PHF2: variants seen among roughly 807,000 people sequenced by gnomAD.
PHF2 encodes the protein lysine-specific demethylase PHF2.
PHF2 carries 27 observed loss-of-function variants against 120.5 expected under a neutral mutation model. That is an observed-to-expected ratio of 0.22 (90% confidence interval 0.17 to 0.31). PHF2 has a LOEUF of 0.31. Among genes scored for constraint, PHF2 ranks in the 10% least tolerant of loss-of-function variants. The probability of loss-of-function intolerance (pLI) is 1.00; values close to 1 mark genes in which losing one functional copy is unlikely to be tolerated. For missense variants in PHF2, 1,024 were observed against 1,434.8 expected, an observed-to-expected ratio of 0.71 and a Z score of 4.63; for synonymous variants, 568 against 592.5, an observed-to-expected ratio of 0.96 and a Z score of 0.60.
intron 1 of PHF2, among the ~76,000 whole-genome samples, chr9:93,601,220 G>A (rs573218090): frequency 2.6e-4 from 39 of 152,306 alleles, no homozygotes; most frequent in East Asian, 1.7e-3. Flanking sequence ...CAGATTGGCC[G>A]GGGCCCACCC....
intron 5 of PHF2, among the ~76,000 whole-genome samples, chr9:93,652,835 G>A (rs1826391653): frequency 6.6e-6 from 1 of 152,204 alleles, no homozygotes; most frequent in Non-Finnish European, 1.5e-5. Context: ...CTTCAGCCCA[G>A]TGTGCCACAG....
chr9:93,594,635 G>A (rs1825297291), intron 1 of PHF2, among the ~76,000 whole-genome samples: 1 of 152,198 alleles, frequency 6.6e-6, no homozygotes, highest in South Asian at 2.1e-4. Context: ...TGGCAGCTAA[G>A]CTCCCAGTCA....
At chr9:93,577,925 C>T (rs2131592076) in intron 1 of PHF2, among the ~76,000 whole-genome samples, 1 of 152,298 alleles carries the variant, frequency 6.6e-6, no homozygotes, top group South Asian at 2.1e-4. Context: ...CGGGGCTGGC[C>T]AGGGCTGTAT....
At chr9:93,591,894 C>G (rs1433735245) in intron 1 of PHF2, among the ~76,000 whole-genome samples, 1 of 152,240 alleles carries the variant, frequency 6.6e-6, no homozygotes, top group Non-Finnish European at 1.5e-5. Context: ...TGCTCCTAGT[C>G]TGGCTGCTCA....
At chr9:93,650,372 A>G (rs1826347569) in intron 5 of PHF2, among the ~76,000 whole-genome samples, 1 of 152,072 alleles carries the variant, frequency 6.6e-6, no homozygotes, top group East Asian at 1.9e-4. Context: ...TGGCACACTC[A>G]TACTCCTAAC....
At chr9:93,671,593 A>T (rs1452572110) in intron 17 of PHF2, among the ~76,000 whole-genome samples, 8 of 99,982 alleles carry the variant, frequency 8.0e-5, no homozygotes, top group East Asian at 3.2e-4. Context: ...TGGGTGTGGG[A>T]GTAGGGTCAG....
chr9:93,627,740 G>A (rs897302933), intron 1 of PHF2, among the ~76,000 whole-genome samples: 3 of 152,040 alleles, frequency 2.0e-5, no homozygotes, highest in African/African-American at 7.2e-5. Context: ...TGCTTTTTCT[G>A]TATCAATTGA....
Position 93,576,847 on chromosome 9 carries a change from C to A in PHF2, c.74C>A (p.Ala25Asp). The change falls in exon 1 of 22, where the codon GCC becomes GAC. Residue 25 changes from alanine to aspartate, a missense_variant. Coordinates refer to ENST00000359246, the MANE Select transcript of PHF2 (RefSeq NM_005392.4). ...ACCCGCTTCATGATCGAGTGCGACGCCTGCAAGGACTGGTTCCACGGCAGG... is the reference window on the plus strand; with the variant it reads ...ACCCGCTTCATGATCGAGTGCGACGACTGCAAGGACTGGTTCCACGGCAGG... ...DVTRFMIECD[A>D]CKDWFHGSCV... is the part of the protein sequence containing the mutation. 7.8e-7 allele frequency: 1 copy of A among 1,280,500 alleles called. No individual in the cohort carries two copies. 79.3% of individuals were successfully genotyped at this position (1,280,500 alleles called of 1,614,324 possible).
chr9:93,676,004 T>C (rs950028956), intron 20 of PHF2, among the ~76,000 whole-genome samples: 3 of 152,304 alleles, frequency 2.0e-5, no homozygotes, highest in Admixed American at 6.5e-5. Context: ...AATTGACGAC[T>C]GGGGCCCTGA....
chr9:93,663,767 T>TTACA (rs112327078), intron 14 of PHF2, 132 bp downstream of exon 14: 9 of 573,028 alleles, frequency 1.6e-5, no homozygotes, highest in African/African-American at 9.4e-5. Flanking sequence ...ACTCTGCATC[T>TTACA]CACACACACC....
chr9:93,664,353 G>C (rs372070098), intron 14 of PHF2, among the ~76,000 whole-genome samples: 1 of 152,208 alleles, frequency 6.6e-6, no homozygotes, highest in Non-Finnish European at 1.5e-5. Context: ...CTGTGAGCCC[G>C]GTGGCAACCT....
At chr9:93,652,934 T>C (rs1381607165) in intron 5 of PHF2, among the ~76,000 whole-genome samples, 1 of 152,168 alleles carries the variant, frequency 6.6e-6, no homozygotes, top group Non-Finnish European at 1.5e-5. Context: ...TTTGGGGCCT[T>C]CTCATTATCT....
chr9:93,577,490 C>G (rs1862848349), intron 1 of PHF2, among the ~76,000 whole-genome samples: 2 of 152,214 alleles, frequency 1.3e-5, no homozygotes, highest in South Asian at 4.1e-4. Context: ...GAGGGCAGGA[C>G]CCCTCCCGGA....
chr9:93,636,989 A>G (rs1419707981), intron 3 of PHF2, among the ~76,000 whole-genome samples: 1 of 152,240 alleles, frequency 6.6e-6, no homozygotes, highest in Admixed American at 6.5e-5. Flanking sequence ...TGGCCACAGG[A>G]AGGACACAGC....
chr9:93,662,855 T>C (rs1472008846), intron 12 of PHF2, 52 bp from the exon 13 acceptor site: 5 of 1,601,758 alleles, frequency 3.1e-6, no homozygotes, highest in Non-Finnish European at 4.3e-6. Flanking sequence ...CTCAAGAGAG[T>C]TCCACCAGCC....
At chr9:93,595,599 T>C (rs1208480303) in intron 1 of PHF2, among the ~76,000 whole-genome samples, 2 of 152,260 alleles carry the variant, frequency 1.3e-5, no homozygotes, top group African/African-American at 4.8e-5. Context: ...TGTGCATGGC[T>C]CCTCTCTGCA....
intron 1 of PHF2, among the ~76,000 whole-genome samples, chr9:93,627,123 G>T (rs1158087491): frequency 6.6e-6 from 1 of 152,126 alleles, no homozygotes; most frequent in Non-Finnish European, 1.5e-5. Context: ...ATTAAGTCTT[G>T]CAGTTCATCC....
intron 1 of PHF2, among the ~76,000 whole-genome samples, chr9:93,602,134 G>C (rs1303719677): frequency 6.6e-6 from 1 of 151,852 alleles, no homozygotes; most frequent in East Asian, 1.9e-4. Context: ...TCCAGTTCAC[G>C]AGTTCTCTGA....
chr9:93,607,256 T>TTTG (rs1288581472), intron 1 of PHF2, among the ~76,000 whole-genome samples: 85 of 152,008 alleles, frequency 5.6e-4, no homozygotes, highest in Non-Finnish European at 6.6e-4. Flanking sequence ...TGCTGGGGTT[T>TTTG]TTGTTGTTGT....
Sources: gnomAD v4.1 joint callset for allele counts (sites outside exome capture counted in the v4.1 genomes callset) on GRCh38, gnomAD v4.1.1 for gene constraint, MANE v1.5 for transcripts, NCBI Gene and HGNC (gene_info 2026-07-23, HGNC 2026-07-21) for gene names.